The following TMEM156 variants were observed in gnomAD, a reference collection of about 807,000 sequenced individuals.
TMEM156 encodes transmembrane protein 156.
A neutral mutation model predicts 30.5 loss-of-function variants in TMEM156; 28 were observed. The observed-to-expected ratio is 0.92, with a 90% CI of 0.68 to 1.26. The LOEUF (loss-of-function observed/expected upper bound fraction) is 1.26, where lower values mean the gene tolerates loss of function less well. TMEM156 is among the 50% of genes most tolerant of loss of function. The probability of loss-of-function intolerance (pLI) is 0.00; values close to 1 mark genes in which losing one functional copy is unlikely to be tolerated. For synonymous variants in TMEM156, 137 were observed against 119.9 expected (o/e 1.14, Z -0.93); for missense variants, 351 against 340.6 (o/e 1.03, Z -0.24).
At chr4:38,986,304 G>A (rs376321373) in intron 5 of TMEM156, 32 bp downstream of exon 5, 1 of 1,503,206 alleles carries the variant, frequency 6.7e-7, no homozygotes, top group East Asian at 2.3e-5. Flanking sequence ...AATTTCCTGA[G>A]TGCTGTTTTG....
chr4:39,030,300 G>C (rs1476366469), intron 1 of TMEM156, among the ~76,000 whole-genome samples: 1 of 152,074 alleles, frequency 6.6e-6, no homozygotes, highest in Non-Finnish European at 1.5e-5. Flanking sequence ...GTAGTATTGG[G>C]AGCTGATATA....
At chr4:39,019,511 A>T (rs917204185) in intron 1 of TMEM156, among the ~76,000 whole-genome samples, 3 of 151,544 alleles carry the variant, frequency 2.0e-5, no homozygotes, top group African/African-American at 7.3e-5. Flanking sequence ...TATTTGTTTT[A>T]TATTATTTTT....
intron 6 of TMEM156, among the ~76,000 whole-genome samples, chr4:38,968,561 G>A (rs759574191): frequency 3.3e-5 from 5 of 152,298 alleles, no homozygotes; most frequent in Non-Finnish European, 7.4e-5. Flanking sequence ...CAAAGAAAGA[G>A]GAACTCTTCA....
At chr4:38,996,079 G>A (rs1440297804) in intron 2 of TMEM156, among the ~76,000 whole-genome samples, 1 of 151,998 alleles carries the variant, frequency 6.6e-6, no homozygotes, top group African/African-American at 2.4e-5. Context: ...TAACTCAATT[G>A]CAAAAAATAT....
intron 2 of TMEM156, 115 bp downstream of exon 2, chr4:38,998,525 C>G (rs905698947): frequency 1.0e-6 from 1 of 959,422 alleles, no homozygotes; most frequent in Non-Finnish European, 1.4e-6. Flanking sequence ...GCCTGGGCAA[C>G]AGAGCGAGAC....
At chr4:38,986,294 A>G in intron 5 of TMEM156, 42 bp downstream of exon 5, 1 of 1,417,006 alleles carries the variant, frequency 7.1e-7, no homozygotes, top group Non-Finnish European at 1.0e-6. Context: ...GCAGCTTTGG[A>G]ATTTCCTGAG....
In TMEM156 at chr4:38,990,989, A is replaced by G. The variant is rs1190437517; in HGVS notation, c.620-2019T>C. Among the ~76,000 whole-genome samples, 3 of 150,526 alleles carry G rather than the reference A, an allele frequency of 2.0e-5. No homozygotes were observed. In the East Asian group the frequency reaches 5.9e-4, roughly 30 times the overall value. On this transcript the variant is annotated intron_variant, in intron 3 of 6. Coordinates refer to ENST00000381938, the MANE Select transcript of TMEM156 (RefSeq NM_024943.3). Reference sequence around the variant, plus strand: ...GCTGGGTTTACAGGCGCATGACACCATGCCCGGCTAATTTTTTGTATTTTT... The same window carrying G: ...GCTGGGTTTACAGGCGCATGACACCGTGCCCGGCTAATTTTTTGTATTTTT...
At chr4:38,992,540 A>G (rs535718056) in intron 3 of TMEM156, among the ~76,000 whole-genome samples, 1 of 150,550 alleles carries the variant, frequency 6.6e-6, no homozygotes, top group African/African-American at 2.4e-5. Flanking sequence ...CCTAATCTGT[A>G]CCTCACCCTA....
rs111440191 is a variant in TMEM156, at chr4:38,981,890, A to C, written c.823+4446T>G. 9.7e-3 allele frequency among the ~76,000 whole-genome samples: 1,473 copies of C among 152,318 alleles called. 10 individuals carry two copies. Among genetic ancestry groups the C allele is most frequent in the Middle Eastern group, 0.027 (8 of 294 alleles). On this transcript the variant is annotated intron_variant, in intron 5 of 6. Transcript: ENST00000381938. The stretch of plus-strand genomic sequence containing the variant: ...CATTATATCACCAATGCTTAGTATA[A>C]TGGCTGACCCGTAGTCAGTATTCAG...
intron 4 of TMEM156, among the ~76,000 whole-genome samples, chr4:38,987,755 G>C (rs1413676312): frequency 1.3e-5 from 2 of 152,238 alleles, no homozygotes; most frequent in Non-Finnish European, 2.9e-5. Context: ...TTGTTTTACA[G>C]AGGATGTAAG....
intron 1 of TMEM156, among the ~76,000 whole-genome samples, chr4:39,005,824 G>C (rs940321177): frequency 3.3e-5 from 5 of 152,118 alleles, no homozygotes; most frequent in Non-Finnish European, 7.4e-5. Context: ...TGTTTCTTCA[G>C]TTTTACTAGA....
intron 1 of TMEM156, among the ~76,000 whole-genome samples, chr4:39,023,848 C>T (rs769263521): frequency 2.0e-5 from 3 of 151,090 alleles, no homozygotes; most frequent in Non-Finnish European, 2.9e-5. Context: ...AGTGAGACTC[C>T]GTTTAAAAAA....
chr4:39,014,669 A>G (rs751645089), intron 1 of TMEM156, among the ~76,000 whole-genome samples: 15 of 149,924 alleles, frequency 1.0e-4, no homozygotes, highest in Non-Finnish European at 1.2e-4. Context: ...GAGGCAGGAG[A>G]CTCTCTTGAA....
chr4:39,002,857 G>C (rs941873647), intron 1 of TMEM156, among the ~76,000 whole-genome samples: 3 of 151,650 alleles, frequency 2.0e-5, no homozygotes, highest in Admixed American at 1.3e-4. Flanking sequence ...ACACAGGAAG[G>C]GGAACATCAC....
intron 5 of TMEM156, among the ~76,000 whole-genome samples, chr4:38,984,931 T>C (rs1274956968): frequency 6.6e-6 from 1 of 152,156 alleles, no homozygotes; most frequent in East Asian, 1.9e-4. Context: ...AAATACAACT[T>C]TGCGAGGTTA....
chr4:38,967,163 A>T lies in TMEM156; in HGVS notation c.*517T>A, dbSNP rs1033943823. On this transcript the variant is annotated 3_prime_UTR_variant, in exon 7 of 7. Coordinates refer to ENST00000381938, the MANE Select transcript of TMEM156 (RefSeq NM_024943.3). ...CAGCAAGATTCATAAATGCAAACAA[A>T]CATATAAATAAACAACCAGGCCCTC... 6.6e-6 allele frequency: 1 copy of T among 152,184 alleles called. No individual in the cohort carries two copies. Among genetic ancestry groups the T allele is most frequent in the Non-Finnish European group, 1.5e-5 (1 of 68,034 alleles). The allele number at this position is 152,184 out of a possible 1,614,324, so 9.4% of individuals were successfully genotyped here. A position where few individuals can be genotyped will look rare whatever the true frequency, so the allele number is the denominator to read the frequency against.
intron 1 of TMEM156, among the ~76,000 whole-genome samples, chr4:39,003,558 T>C (rs1713527408): frequency 6.6e-6 from 1 of 152,062 alleles, no homozygotes. Context: ...GGTCTTGAAC[T>C]CCCGACCTCA....
intron 1 of TMEM156, among the ~76,000 whole-genome samples, chr4:39,010,550 G>A (rs998762703): frequency 1.3e-5 from 2 of 152,086 alleles, no homozygotes; most frequent in Admixed American, 6.6e-5. Flanking sequence ...CATGGTAATG[G>A]TACAAAAACA....
In TMEM156 at chr4:38,986,924, T is replaced by C. The variant is rs529359811; in HGVS notation, c.740-505A>G. Among the ~76,000 whole-genome samples the C allele has an allele frequency of 3.2e-4, 47 of 145,670 alleles. 1 individual carries two copies. The South Asian group carries it at 8.6e-3, about 27-fold the overall frequency. ...ATATACATAGATATGATGTGAAGAA[T>C]ATTCAATGTATGTTTAATATTCAAT... On this transcript the variant is annotated intron_variant, in intron 4 of 6. Transcript: ENST00000381938.
Sources: gnomAD v4.1 joint callset for allele counts (sites outside exome capture counted in the v4.1 genomes callset) on GRCh38, gnomAD v4.1.1 for gene constraint, MANE v1.5 for transcripts, NCBI Gene and HGNC (gene_info 2026-07-23, HGNC 2026-07-21) for gene names.